Variants in CFAP20DC observed in about 807,000 individuals in gnomAD.
The protein encoded by CFAP20DC is protein CFAP20DC.
In CFAP20DC, 84 loss-of-function variants were observed where a neutral mutation model predicts 101.7. The observed-to-expected ratio is 0.83, with a 90% CI of 0.69 to 0.99. CFAP20DC has a LOEUF of 0.99. Among genes scored for constraint, CFAP20DC ranks in the 50% least tolerant of loss-of-function variants. CFAP20DC has a pLI of 0.00. For synonymous variants in CFAP20DC, 359 were observed against 351.2 expected (o/e 1.02, Z -0.25); for missense variants, 1,007 against 970.3 (o/e 1.04, Z -0.50).
chr3:58,730,838 T>G (rs554250604), intron 3 of CFAP20DC, among the ~76,000 whole-genome samples: 7 of 152,142 alleles, frequency 4.6e-5, no homozygotes, highest in Non-Finnish European at 1.0e-4. Flanking sequence ...TGTGGTTCAG[T>G]GATAACACAA....
intron 15 of CFAP20DC, among the ~76,000 whole-genome samples, chr3:58,764,339 C>T (rs976994376): frequency 5.9e-5 from 9 of 152,234 alleles, no homozygotes; most frequent in South Asian, 2.1e-4. Context: ...CCGAGCCAGG[C>T]GTGGGATATA....
At chr3:58,990,323 C>T (rs766629535) in intron 4 of CFAP20DC, among the ~76,000 whole-genome samples, 8 of 152,160 alleles carry the variant, frequency 5.3e-5, no homozygotes, top group Non-Finnish European at 1.0e-4. Flanking sequence ...ATTTATTCTT[C>T]TTCCCAAGAA....
At chr3:58,855,452 A>G (rs956167091) in intron 12 of CFAP20DC, among the ~76,000 whole-genome samples, 21 of 152,184 alleles carry the variant, frequency 1.4e-4, no homozygotes, top group East Asian at 3.9e-4. Flanking sequence ...ATCTAGAACT[A>G]GAAATACCAT....
intron 4 of CFAP20DC, among the ~76,000 whole-genome samples, chr3:58,952,491 A>G (rs1009695909): frequency 6.6e-6 from 1 of 152,060 alleles, no homozygotes. Flanking sequence ...ACCATCATCA[A>G]CTTGGGTGGC....
At chr3:58,901,967 G>A (rs763188272) in intron 6 of CFAP20DC, among the ~76,000 whole-genome samples, 11 of 152,142 alleles carry the variant, frequency 7.2e-5, no homozygotes, top group Non-Finnish European at 8.8e-5. Flanking sequence ...TTCTGTCTCT[G>A]TGGATTTGCC....
At chr3:58,862,452 G>C in intron 12 of CFAP20DC, 1 of 985,404 alleles carries the variant, frequency 1.0e-6, no homozygotes, top group African/African-American at 1.7e-5. Context: ...AGGATTTGCA[G>C]TAGGTTATGT....
At position 58,892,861 on chromosome 3, in the gene CFAP20DC, T is replaced by A. The variant is rs1013052004; in HGVS notation, c.551-8152A>T. Among the ~76,000 whole-genome samples, 11 of 152,190 alleles carry A rather than the reference T, an allele frequency of 7.2e-5. No individual in the cohort carries two copies. Among genetic ancestry groups the A allele is most frequent in the East Asian group, 3.8e-4 (2 of 5,198 alleles). The stretch of plus-strand genomic sequence containing the variant: ...TGATTGTCCTCGCCAGAACTTCCAA[T>A]ACTATATTGCATAGGAGTGGTGAGA... On this transcript the variant is annotated intron_variant, in intron 6 of 16. Transcript: ENST00000482387. This position sits in a 1 kb window ranked among gnomAD's most constrained non-coding sequence, Gnocchi z 4.0.
chr3:58,849,790 T>C (rs562331550), intron 12 of CFAP20DC, among the ~76,000 whole-genome samples: 1 of 152,226 alleles, frequency 6.6e-6, no homozygotes, highest in African/African-American at 2.4e-5. Flanking sequence ...GTTAACTCCA[T>C]GGAAAAAGAA....
intron 4 of CFAP20DC, among the ~76,000 whole-genome samples, chr3:58,941,728 T>G (rs2088622531): frequency 6.6e-6 from 1 of 151,972 alleles, no homozygotes; most frequent in Non-Finnish European, 1.5e-5. Context: ...GCCACTGCCC[T>G]CGGCTAATTT....
At chr3:59,029,022 C>T (rs183037482) in intron 4 of CFAP20DC, among the ~76,000 whole-genome samples, 166 of 152,288 alleles carry the variant, frequency 1.1e-3, no homozygotes, top group Middle Eastern at 0.01. Context: ...TTCATATGTT[C>T]CCCACTGATC....
chr3:58,810,099 C>A (rs1451898769), intron 14 of CFAP20DC, among the ~76,000 whole-genome samples: 1 of 152,092 alleles, frequency 6.6e-6, no homozygotes, highest in Non-Finnish European at 1.5e-5. Flanking sequence ...ACCAGATGGA[C>A]TCACAGCCGA....
At chr3:58,984,057 T>C (rs1441594858) in intron 4 of CFAP20DC, among the ~76,000 whole-genome samples, 1 of 152,242 alleles carries the variant, frequency 6.6e-6, no homozygotes, top group Non-Finnish European at 1.5e-5. Context: ...TCTTTGCCTG[T>C]CATTAATGTT....
intron 12 of CFAP20DC, among the ~76,000 whole-genome samples, chr3:58,850,523 G>A (rs2078128650): frequency 6.6e-6 from 1 of 151,302 alleles, no homozygotes; most frequent in East Asian, 1.9e-4. Flanking sequence ...GGGAGGCGGA[G>A]GTTGCAGTGA....
At chr3:58,941,327 CAAAAAAAAAAAAAAAAA>C (rs752324535) in intron 4 of CFAP20DC, among the ~76,000 whole-genome samples, 2 of 19,534 alleles carry the variant, frequency 1.0e-4, no homozygotes, top group East Asian at 2.5e-3. Context: ...GACTCCGTCT[CAAAAAAAAAAAAAAAAA>C]AAAAAAAAAA....
chr3:58,948,530 ACATGTAGTCC>A (rs1402272331), intron 4 of CFAP20DC, among the ~76,000 whole-genome samples: 2 of 152,232 alleles, frequency 1.3e-5, no homozygotes, highest in East Asian at 3.8e-4. Context: ...CAGTTAAATA[ACATGTAGTCC>A]CATATATTCC....
In CFAP20DC at chr3:58,759,449, A is replaced by G. The variant is rs1163199614; in HGVS notation, c.2238-5586T>C. 4.6e-5 allele frequency among the ~76,000 whole-genome samples: 7 copies of G among 152,128 alleles called. No homozygotes were observed. The East Asian group carries it at 1.2e-3, about 25-fold the overall frequency. The stretch of plus-strand genomic sequence containing the variant: ...CTGGATATTAGCCCTTTGTCAGATG[A>G]GTAGATTGCAAAAATTTTCTCCCAT... On this transcript the variant is annotated intron_variant, in intron 15 of 16. Transcript: ENST00000482387.
chr3:58,931,600 A>G (rs2086699106), intron 5 of CFAP20DC, among the ~76,000 whole-genome samples: 1 of 152,210 alleles, frequency 6.6e-6, no homozygotes, highest in Non-Finnish European at 1.5e-5. Flanking sequence ...ATCAGACAGC[A>G]GCATTCGCGG....
intron 4 of CFAP20DC, chr3:59,018,896 C>A (rs1252178555): frequency 6.6e-6 from 1 of 151,976 alleles, no homozygotes; most frequent in African/African-American, 2.4e-5. Context: ...AAGTGTGCAA[C>A]ATACTCTCAA....
chr3:58,716,307 G>A (rs1042788495), downstream of CFAP20DC, among the ~76,000 whole-genome samples: 8 of 151,318 alleles, frequency 5.3e-5, no homozygotes, highest in South Asian at 2.1e-4. Flanking sequence ...GACTACAGGC[G>A]CCCGCCACCA....
Sources: gnomAD v4.1 joint callset for allele counts (sites outside exome capture counted in the v4.1 genomes callset) on GRCh38, gnomAD v4.1.1 for gene constraint, Gnocchi (gnomAD v3.1) non-coding constraint, MANE v1.5 for transcripts, NCBI Gene and HGNC (gene_info 2026-07-23, HGNC 2026-07-21) for gene names.